The following LRRC20 variants were observed in gnomAD, a reference collection of about 807,000 sequenced individuals.
LRRC20 encodes the protein leucine rich repeat containing 20.
LRRC20 carries 11 observed loss-of-function variants against 14.4 expected under a neutral mutation model. That is an observed-to-expected ratio of 0.77 (90% CI 0.48 to 1.27). The LOEUF is 1.27. LRRC20 is among the 50% of genes most tolerant of loss of function. LRRC20 has a pLI of 0.00. For missense variants in LRRC20, 219 were observed against 251.2 expected, an observed-to-expected ratio of 0.87 and a Z score of 0.87; for synonymous variants, 121 against 107.3, an observed-to-expected ratio of 1.13 and a Z score of -0.79.
At chr10:70,310,398 C>T (rs1051513705) in intron 4 of LRRC20, among the ~76,000 whole-genome samples, 4 of 152,176 alleles carry the variant, frequency 2.6e-5, no homozygotes, top group African/African-American at 7.2e-5. Context: ...AAGGGACCTC[C>T]GCTTTGCCTT....
chr10:70,372,938 AC>A (rs1315152293), intron 2 of LRRC20, among the ~76,000 whole-genome samples: 5 of 13,382 alleles, frequency 3.7e-4, no homozygotes, highest in African/African-American at 8.2e-4. Flanking sequence ...CCCCATCTCT[AC>A]TAAAAAAAAA....
At chr10:70,335,017 A>T (rs1316953393) in intron 3 of LRRC20, among the ~76,000 whole-genome samples, 1 of 152,052 alleles carries the variant, frequency 6.6e-6, no homozygotes, top group Non-Finnish European at 1.5e-5. Flanking sequence ...GGTGTCATGC[A>T]CCCTGTGGGC....
chr10:70,329,361 G>T (rs796770358), intron 3 of LRRC20, among the ~76,000 whole-genome samples: 5 of 152,284 alleles, frequency 3.3e-5, no homozygotes, highest in African/African-American at 1.2e-4. Flanking sequence ...GAACTTTAAG[G>T]ATGAGAGTGG....
chr10:70,331,718 C>T (rs1213168637), intron 3 of LRRC20, among the ~76,000 whole-genome samples: 13 of 152,116 alleles, frequency 8.5e-5, no homozygotes, highest in Non-Finnish European at 1.6e-4. Context: ...CAGGATGGAC[C>T]GGGGCTCTGG....
At chr10:70,365,933 G>A (rs1356140431) in intron 2 of LRRC20, among the ~76,000 whole-genome samples, 1 of 151,936 alleles carries the variant, frequency 6.6e-6, no homozygotes, top group Admixed American at 6.6e-5. Context: ...GCTGGGCGAG[G>A]TGGCAGGCGC....
rs558285805 is a variant in LRRC20, at chr10:70,352,220, G to C, written c.83-11518C>G. ...ACTTAATAACTTGTAAGGCATGTAC[G>C]TTTAAGCTTTTTTTTTTTTTAAGTT... On this transcript the variant is annotated intron_variant, in intron 2 of 4. Transcript: ENST00000446961. 2.9e-4 allele frequency among the ~76,000 whole-genome samples: 25 copies of C among 85,700 alleles called. No homozygotes were observed. In the Admixed American group the frequency reaches 3.4e-3, roughly 12 times the overall value. The allele number at this position is 85,700 out of a possible 152,430, so 56.2% of individuals were successfully genotyped here.
intron 2 of LRRC20, among the ~76,000 whole-genome samples, chr10:70,350,485 A>G (rs1843260347): frequency 6.6e-6 from 1 of 152,240 alleles, no homozygotes; most frequent in Admixed American, 6.5e-5. Context: ...CTTGATGAAA[A>G]GTAATCAGTG....
At chr10:70,317,321 T>C (rs1333619083) in intron 4 of LRRC20, among the ~76,000 whole-genome samples, 2 of 152,090 alleles carry the variant, frequency 1.3e-5, no homozygotes, top group Non-Finnish European at 2.9e-5. Context: ...TGCTTCTGTT[T>C]TCACCATGGG....
intron 2 of LRRC20, among the ~76,000 whole-genome samples, chr10:70,363,847 A>AC (rs200197216): frequency 6.6e-6 from 1 of 152,026 alleles, no homozygotes. Context: ...TCAACCCCCA[A>AC]CACAGCACAC....
chr10:70,326,297 TACAC>T (rs3998644), intron 3 of LRRC20, among the ~76,000 whole-genome samples: 155 of 140,466 alleles, frequency 1.1e-3, no homozygotes, highest in South Asian at 9.5e-3. Context: ...CGCCTCTGTG[TACAC>T]ACACACACAC....
intron 3 of LRRC20, among the ~76,000 whole-genome samples, chr10:70,332,097 T>A (rs1391452704): frequency 6.6e-6 from 1 of 152,138 alleles, no homozygotes; most frequent in Non-Finnish European, 1.5e-5. Context: ...CAATGAGCAA[T>A]CACAGTCCCT....
At chr10:70,315,396 T>C (rs1300520737) in intron 4 of LRRC20, among the ~76,000 whole-genome samples, 1 of 152,112 alleles carries the variant, frequency 6.6e-6, no homozygotes, top group African/African-American at 2.4e-5. Context: ...TGAAATAGAG[T>C]TATAATTAAG....
At chr10:70,374,456 T>C (rs1294870480) in intron 2 of LRRC20, among the ~76,000 whole-genome samples, 2 of 152,010 alleles carry the variant, frequency 1.3e-5, no homozygotes, top group Non-Finnish European at 2.9e-5. Context: ...GTTCAGGCGA[T>C]TCTCCTGCCT....
chr10:70,329,992 C>G (rs1842474868), intron 3 of LRRC20, among the ~76,000 whole-genome samples: 2 of 152,186 alleles, frequency 1.3e-5, no homozygotes, highest in South Asian at 4.1e-4. Context: ...CCGAATTTGA[C>G]TGGTAATATT....
At chr10:70,350,121 T>C (rs1197648949) in intron 2 of LRRC20, among the ~76,000 whole-genome samples, 1 of 152,094 alleles carries the variant, frequency 6.6e-6, no homozygotes, top group East Asian at 1.9e-4. Flanking sequence ...ATTGGAATCA[T>C]TTAGTGCTAA....
At chr10:70,376,021 G>A (rs10733868) in intron 2 of LRRC20, among the ~76,000 whole-genome samples, 146,940 of 152,242 alleles carry the variant, frequency 0.97, 71,088 homozygotes, top group Non-Finnish European at 1. Context: ...CCATTTTGCC[G>A]TCCCCTTTCT....
rs1008889908 is a variant in LRRC20, at chr10:70,301,420, G to A, written c.489C>T (p.Ile163=). The A allele has an allele frequency of 2.5e-6, 4 of 1,613,736 alleles. No homozygotes were observed. Among genetic ancestry groups the A allele is most frequent in the Non-Finnish European group, 3.4e-6 (4 of 1,180,040 alleles). The part of the protein sequence containing the change: ...FNPLNAEVRV[I]APPLIKFDML... Reference sequence around the variant, plus strand: ...TGTCAAACTTGATGAGCGGCGGGGCGATCACGCGCACCTCGGCGTTGAGTG... The same window carrying A: ...TGTCAAACTTGATGAGCGGCGGGGCAATCACGCGCACCTCGGCGTTGAGTG... Residue 163 remains isoleucine (I), a synonymous_variant, in exon 5 of 5, where the codon ATC becomes ATT. Coordinates refer to ENST00000446961, the MANE Select transcript of LRRC20 (RefSeq NM_001278212.2).
At chr10:70,371,146 T>C (rs564369066) in intron 2 of LRRC20, among the ~76,000 whole-genome samples, 1 of 152,156 alleles carries the variant, frequency 6.6e-6, no homozygotes, top group African/African-American at 2.4e-5. Context: ...GAGTATATTA[T>C]ATCAGATTTT....
intron 3 of LRRC20, among the ~76,000 whole-genome samples, chr10:70,332,922 G>A (rs1842590881): frequency 2.0e-5 from 3 of 152,156 alleles, no homozygotes; most frequent in Admixed American, 6.5e-5. Flanking sequence ...ATCACATTGT[G>A]TGCATCTACT....
Sources: gnomAD v4.1 joint callset for allele counts (sites outside exome capture counted in the v4.1 genomes callset) on GRCh38, gnomAD v4.1.1 for gene constraint, MANE v1.5 for transcripts, NCBI Gene and HGNC (gene_info 2026-07-23, HGNC 2026-07-21) for gene names.